LARGE1: variants seen among roughly 807,000 people sequenced by gnomAD.
LARGE1 encodes xylosyl- and glucuronyltransferase LARGE1.
A neutral mutation model predicts 87.6 loss-of-function variants in LARGE1; 43 were observed. That is an observed-to-expected ratio of 0.49 (90% CI 0.38 to 0.63). LARGE1 has a LOEUF of 0.63. LARGE1 is among the 30% of genes least tolerant of loss of function. The pLI is 0.00. For missense variants in LARGE1, 802 were observed against 1,000.2 expected (o/e 0.80, Z 2.67); for synonymous variants, 434 against 394.6 (o/e 1.10, Z -1.18).
At chr22:33,535,389 G>A (rs1569246989) in intron 6 of LARGE1, among the ~76,000 whole-genome samples, 1 of 151,916 alleles carries the variant, frequency 6.6e-6, no homozygotes, top group Non-Finnish European at 1.5e-5. Flanking sequence ...CTAAAAATAC[G>A]AAAATTTGCT....
intron 1 of LARGE1, among the ~76,000 whole-genome samples, chr22:33,915,012 A>AACACACAC (rs71320998): frequency 2.2e-4 from 30 of 139,200 alleles, no homozygotes; most frequent in South Asian, 1.2e-3. Context: ...TACAAACACA[A>AACACACAC]ACACACACAC....
chr22:33,568,208 C>G (rs560155921), intron 5 of LARGE1, among the ~76,000 whole-genome samples: 2 of 152,266 alleles, frequency 1.3e-5, no homozygotes, highest in South Asian at 4.1e-4. Flanking sequence ...GGGACACAGC[C>G]TACCTGTGGC....
intron 5 of LARGE1, among the ~76,000 whole-genome samples, chr22:33,569,621 G>A (rs757663435): frequency 2.0e-5 from 3 of 152,100 alleles, no homozygotes; most frequent in Non-Finnish European, 2.9e-5. Context: ...TCTTAGAGAC[G>A]GCATGATATC....
At chr22:33,873,614 C>T (rs1045089007) in intron 1 of LARGE1, among the ~76,000 whole-genome samples, 3 of 152,160 alleles carry the variant, frequency 2.0e-5, no homozygotes, top group South Asian at 2.1e-4. Context: ...ACCTGGGAAA[C>T]AGCCACTGAC....
At chr22:33,567,017 A>G (rs1409817366) in intron 5 of LARGE1, among the ~76,000 whole-genome samples, 1 of 152,146 alleles carries the variant, frequency 6.6e-6, no homozygotes, top group Non-Finnish European at 1.5e-5. Context: ...GGGAAAAAGG[A>G]CAGAAGTTCA....
intron 4 of LARGE1, among the ~76,000 whole-genome samples, chr22:33,624,783 G>A (rs1332494296): frequency 2.0e-5 from 3 of 152,204 alleles, no homozygotes; most frequent in Admixed American, 6.5e-5. Context: ...TGGAATCACA[G>A]CAGATGATCT....
At chr22:33,728,800 T>A (rs764383215) in intron 2 of LARGE1, among the ~76,000 whole-genome samples, 1 of 152,130 alleles carries the variant, frequency 6.6e-6, no homozygotes, top group Non-Finnish European at 1.5e-5. Context: ...AATTATCAAG[T>A]CTACAAACAC....
intron 2 of LARGE1, among the ~76,000 whole-genome samples, chr22:33,735,300 T>G (rs762341687): frequency 6.6e-6 from 1 of 152,208 alleles, no homozygotes; most frequent in Non-Finnish European, 1.5e-5. Context: ...ACCTAAAAAC[T>G]TACTGTTCTT....
rs397722052 is a variant in LARGE1, at chr22:33,423,008, A to ATT, written c.892+9151_892+9152dup. ...TACTTACGGGATATTTTTTAAAACCATTTTTTTTTTTTTGCATGGTTTGAA... is the reference window on the plus strand; with the variant it reads ...TACTTACGGGATATTTTTTAAAACCATTTTTTTTTTTTTTTGCATGGTTTGAA... On this transcript the variant is annotated intron_variant, in intron 7 of 14. Coordinates refer to ENST00000397394, the MANE Select transcript of LARGE1 (RefSeq NM_133642.5). Among the ~76,000 whole-genome samples, 550 of 147,130 alleles carry ATT rather than the reference A, an allele frequency of 3.7e-3. 5 individuals are homozygous for ATT. The highest frequency in any genetic ancestry group is 9.5e-3 in the African/African-American group (381 of 40,280).
At chr22:33,695,108 C>CTTTTTTTTTT (rs71320988) in intron 2 of LARGE1, among the ~76,000 whole-genome samples, 1 of 140,092 alleles carries the variant, frequency 7.1e-6, no homozygotes, top group Non-Finnish European at 1.5e-5. Context: ...TTCTTTCTTT[C>CTTTTTTTTTT]TTTTTTTTTT....
intron 2 of LARGE1, among the ~76,000 whole-genome samples, chr22:33,663,031 A>G (rs999412259): frequency 6.6e-6 from 1 of 151,482 alleles, no homozygotes; most frequent in African/African-American, 2.5e-5. Flanking sequence ...TTAGAAAAAG[A>G]AATAAGAGGA....
chr22:33,418,977 T>C lies in LARGE1; in HGVS notation c.892+13184A>G, dbSNP rs970134874. Among the ~76,000 whole-genome samples the C allele has an allele frequency of 2.0e-5, 3 of 152,014 alleles. No homozygotes were observed. The East Asian group carries it at 5.8e-4, about 29-fold the overall frequency. The stretch of plus-strand genomic sequence containing the variant: ...GGGTCTGAACACCTGAAGAATCCCA[T>C]TGTATTAGTCCATCCTCACCCTGCT... On this transcript the variant is annotated intron_variant, in intron 7 of 14. Transcript: ENST00000397394.
chr22:33,133,354 A>G, the LARGE1 span, among the ~76,000 whole-genome samples: 1 of 151,998 alleles, frequency 6.6e-6, no homozygotes, highest in Non-Finnish European at 1.5e-5. Context: ...GACAGGCCCC[A>G]GTGTGTGATG....
chr22:33,543,482 C>G (rs965196566), intron 6 of LARGE1, among the ~76,000 whole-genome samples: 5 of 152,138 alleles, frequency 3.3e-5, no homozygotes, highest in Admixed American at 6.5e-5. Flanking sequence ...GGGTACTATG[C>G]TAGGCTATGG....
the LARGE1 span, among the ~76,000 whole-genome samples, chr22:33,146,695 A>G: frequency 2.0e-5 from 3 of 152,138 alleles, no homozygotes; most frequent in African/African-American, 7.2e-5. Context: ...TGTCAACTTT[A>G]TACTACTTAG....
chr22:33,710,759 G>A (rs6518838), intron 2 of LARGE1, among the ~76,000 whole-genome samples: 24,578 of 152,102 alleles, frequency 0.16, 2,647 homozygotes, highest in African/African-American at 0.29. Flanking sequence ...CGATCCAAGT[G>A]TAACGGAGTC....
At chr22:33,634,166 T>A (rs572164017) in intron 3 of LARGE1, among the ~76,000 whole-genome samples, 3 of 152,318 alleles carry the variant, frequency 2.0e-5, no homozygotes, top group African/African-American at 7.2e-5. Context: ...TTTGACTTCA[T>A]CCTCTGTATA....
At chr22:33,470,128 G>C (rs1376854517) in intron 6 of LARGE1, among the ~76,000 whole-genome samples, 1 of 151,790 alleles carries the variant, frequency 6.6e-6, no homozygotes, top group Non-Finnish European at 1.5e-5. Context: ...CTGACCTTGT[G>C]ATCCACCCGC....
rs555756703 is a variant in LARGE1, at chr22:33,586,929, C to T, written c.615+17506G>A. On this transcript the variant is annotated intron_variant, in intron 5 of 14. Transcript: ENST00000397394. The stretch of plus-strand genomic sequence containing the variant: ...AAACGAGAAAACTAGAATACATGTA[C>T]CCAGAGGTAACATATTAAACACTGT... Among the ~76,000 whole-genome samples, 38 of 152,246 alleles carry T rather than the reference C, an allele frequency of 2.5e-4. 1 individual carries two copies. Among genetic ancestry groups the T allele is most frequent in the African/African-American group, 9.1e-4 (38 of 41,542 alleles).
Sources: gnomAD v4.1 joint callset for allele counts (sites outside exome capture counted in the v4.1 genomes callset) on GRCh38, gnomAD v4.1.1 for gene constraint, MANE v1.5 for transcripts, NCBI Gene and HGNC (gene_info 2026-07-23, HGNC 2026-07-21) for gene names.